CGGBP1: variants seen among roughly 807,000 people sequenced by gnomAD.
The protein encoded by CGGBP1 is CGG triplet repeat-binding protein 1.
In CGGBP1, 4 loss-of-function variants were observed where a neutral mutation model predicts 11.4. The observed-to-expected ratio is 0.35, with a 90% CI of 0.17 to 0.80. The LOEUF (loss-of-function observed/expected upper bound fraction) is 0.80, where lower values mean the gene tolerates loss of function less well. CGGBP1 is among the 30% of genes least tolerant of loss of function. The probability of loss-of-function intolerance (pLI) is 0.52; values close to 1 mark genes in which losing one functional copy is unlikely to be tolerated. For missense variants in CGGBP1, 135 were observed against 202.1 expected (o/e 0.67, Z 2.01); for synonymous variants, 76 against 74.1 (o/e 1.03, Z -0.13).
At chr3:88,096,583 A>T (rs1452224393) in intron 2 of CGGBP1, among the ~76,000 whole-genome samples, 1 of 152,040 alleles carries the variant, frequency 6.6e-6, no homozygotes. Flanking sequence ...TTCTTCCCAT[A>T]CTTTAAAGAA....
At chr3:88,128,997 C>G in intron 2 of CGGBP1, 1 of 1,532,236 alleles carries the variant, frequency 6.5e-7, no homozygotes, top group Non-Finnish European at 8.7e-7. Context: ...TGTAGAAGAT[C>G]AGCTATTCCG....
upstream of CGGBP1, among the ~76,000 whole-genome samples, chr3:88,061,429 T>C (rs1454800767): frequency 1.3e-5 from 2 of 152,184 alleles, no homozygotes. Context: ...ACGTTTATTT[T>C]CTATTGCTAA....
At position 88,077,331 on chromosome 3, in the gene CGGBP1, A is replaced by ATTTT. The variant is rs372006323; in HGVS notation, c.-228-19109_-228-19108insAAAA. ...AAAAGAGAAAAAGTTGCAGACTTAA[A>ATTTT]TTGTTTTTTTTTTTTTTTTTGAGAC... On this transcript the variant is annotated intron_variant, in intron 2 of 3. Coordinates refer to the CGGBP1 transcript ENST00000462901. 3.6e-5 allele frequency among the ~76,000 whole-genome samples: 5 copies of ATTTT among 139,690 alleles called. 1 individual carries two copies. Among genetic ancestry groups the ATTTT allele is most frequent in the Non-Finnish European group, 3.1e-5 (2 of 64,112 alleles). 91.6% of individuals were successfully genotyped at this position (139,690 alleles called of 152,430 possible). A position where few individuals can be genotyped will look rare whatever the true frequency, so the allele number is the denominator to read the frequency against.
At chr3:88,138,986 A>G (rs1241368591) in intron 2 of CGGBP1, 3 of 1,246,564 alleles carry the variant, frequency 2.4e-6, no homozygotes, top group South Asian at 3.9e-5. Context: ...AATTGCTTCC[A>G]ATTTTGAAAA....
At chr3:88,105,637 A>T (rs1269727466) in intron 2 of CGGBP1, among the ~76,000 whole-genome samples, 1 of 152,190 alleles carries the variant, frequency 6.6e-6, no homozygotes, top group Admixed American at 6.5e-5. Context: ...TAACCTACCC[A>T]CAAAATCTGG....
intron 2 of CGGBP1, among the ~76,000 whole-genome samples, chr3:88,109,212 A>G (rs978620399): frequency 1.3e-4 from 20 of 149,962 alleles, no homozygotes; most frequent in African/African-American, 4.7e-4. Context: ...TTCCTCCCTC[A>G]GTAAAGATGT....
In CGGBP1 at chr3:88,083,941, T is replaced by TTATATATATATA. The variant is rs78670676; in HGVS notation, c.-228-25730_-228-25719dup. Among the ~76,000 whole-genome samples, 440 of 147,756 alleles carry TTATATATATATA rather than the reference T, an allele frequency of 3.0e-3. 3 individuals are homozygous for TTATATATATATA. Among genetic ancestry groups the TTATATATATATA allele is most frequent in the African/African-American group, 8.5e-3 (340 of 40,114 alleles). On this transcript the variant is annotated intron_variant, in intron 2 of 3. Transcript: ENST00000462901. The stretch of plus-strand genomic sequence containing the variant: ...AATAGGACAATGTAATGTACTTATT[T>TTATATATATATA]TATATATATATATATATATATATAT...
At chr3:88,062,029 G>T (rs1374741715), upstream of CGGBP1, among the ~76,000 whole-genome samples, 5 of 152,130 alleles carry the variant, frequency 3.3e-5, no homozygotes, top group African/African-American at 1.2e-4. Flanking sequence ...TTCCAGAGGG[G>T]TTTTTGTGTC....
chr3:88,075,762 T>C (rs866024051), intron 2 of CGGBP1, among the ~76,000 whole-genome samples: 1 of 152,318 alleles, frequency 6.6e-6, no homozygotes, highest in South Asian at 2.1e-4. Context: ...CCTTTTTTTT[T>C]CTCTTGGTTT....
chr3:88,084,460 T>G (rs2107655942), intron 2 of CGGBP1, among the ~76,000 whole-genome samples: 1 of 152,272 alleles, frequency 6.6e-6, no homozygotes, highest in East Asian at 1.9e-4. Context: ...TTTCTAACAT[T>G]CCTCTTTTTT....
intron 2 of CGGBP1, among the ~76,000 whole-genome samples, chr3:88,075,794 T>C (rs1446766825): frequency 2.0e-5 from 3 of 152,192 alleles, no homozygotes; most frequent in Non-Finnish European, 2.9e-5. Flanking sequence ...CAGTTATCTC[T>C]TGTAGTGTCT....
intron 2 of CGGBP1, among the ~76,000 whole-genome samples, chr3:88,091,999 A>G (rs1703767447): frequency 6.6e-6 from 1 of 152,210 alleles, no homozygotes; most frequent in African/African-American, 2.4e-5. Flanking sequence ...GCAGAAGCAA[A>G]TCTTATCTAA....
intron 2 of CGGBP1, among the ~76,000 whole-genome samples, chr3:88,079,952 G>GT (rs1156256756): frequency 1.9e-4 from 28 of 150,880 alleles, no homozygotes; most frequent in Admixed American, 4.6e-4. Flanking sequence ...CCATTTTGGT[G>GT]TTTTTTTTTA....
Position 88,057,242 on chromosome 3 carries a change from C to T in CGGBP1, c.-75G>A, listed in dbSNP as rs1706567179. 6.6e-6 allele frequency: 1 copy of T among 152,116 alleles called. No homozygotes were observed. The highest frequency in any genetic ancestry group is 1.5e-5 in the Non-Finnish European group (1 of 68,028). The allele number at this position is 152,116 out of a possible 1,614,324, so 9.4% of individuals were successfully genotyped here. A position where few individuals can be genotyped will look rare whatever the true frequency, so the allele number is the denominator to read the frequency against. On this transcript the variant is annotated 5_prime_UTR_variant, in exon 3 of 4. Coordinates refer to ENST00000482016, the MANE Select transcript of CGGBP1 (RefSeq NM_001008390.2). ...CTCTTTCAAAAGGACTTTAAATTGC[C>T]AACGTATCAGACAGTCATGGATCCA...
rs1308029076 is a variant in CGGBP1, at chr3:88,057,307, A to G, written c.-125-15T>C. On this transcript the variant is annotated splice_polypyrimidine_tract_variant and intron_variant, in intron 2 of 3. Coordinates refer to ENST00000482016, the MANE Select transcript of CGGBP1 (RefSeq NM_001008390.2). The stretch of plus-strand genomic sequence containing the variant: ...CCACAGAAATTCTGAAAAGTACGAT[A>G]AAGTCTAGGTTTTAATAAATTTTAT... The G allele has an allele frequency of 1.3e-5, 2 of 151,114 alleles. No homozygotes were observed. The highest frequency in any genetic ancestry group is 4.9e-5 in the African/African-American group (2 of 41,208). The allele number at this position is 151,114 out of a possible 1,614,324, so 9.4% of individuals were successfully genotyped here. A position where few individuals can be genotyped will look rare whatever the true frequency, so the allele number is the denominator to read the frequency against.
At chr3:88,138,326 T>C (rs1258116677) in intron 2 of CGGBP1, among the ~76,000 whole-genome samples, 3 of 152,124 alleles carry the variant, frequency 2.0e-5, no homozygotes, top group Admixed American at 1.3e-4. Context: ...AAAATACACA[T>C]AATTTTGACC....
intron 1 of CGGBP1, among the ~76,000 whole-genome samples, chr3:88,147,089 A>G (rs1313730785): frequency 2.0e-5 from 3 of 152,178 alleles, no homozygotes; most frequent in Non-Finnish European, 2.9e-5. Flanking sequence ...AAGCTCATTT[A>G]TTCAACAAAT....
intron 2 of CGGBP1, among the ~76,000 whole-genome samples, chr3:88,115,322 G>A (rs1435896935): frequency 2.6e-5 from 4 of 152,168 alleles, no homozygotes; most frequent in Non-Finnish European, 4.4e-5. Context: ...CAGCTTTGCT[G>A]CTTACACTGT....
intron 2 of CGGBP1, among the ~76,000 whole-genome samples, chr3:88,077,019 A>G (rs1199493958): frequency 6.6e-6 from 1 of 152,218 alleles, no homozygotes; most frequent in Non-Finnish European, 1.5e-5. Flanking sequence ...TCCCTGGAGT[A>G]AAAGAATTTT....
Sources: allele counts gnomAD v4.1 joint callset (sites outside exome capture counted in the v4.1 genomes callset), GRCh38; gene constraint gnomAD v4.1.1; transcripts MANE v1.5; gene names NCBI Gene and HGNC (gene_info 2026-07-23, HGNC 2026-07-21).